FNDC3A: variants seen among roughly 807,000 people sequenced by gnomAD.
FNDC3A encodes fibronectin type-III domain-containing protein 3A.
FNDC3A carries 32 observed loss-of-function variants against 148.9 expected under a neutral mutation model. The observed-to-expected ratio is 0.21, with a 90% CI of 0.16 to 0.29. FNDC3A has a LOEUF of 0.29. Ranked by LOEUF, FNDC3A falls within the 10% of genes least tolerant of loss-of-function variation. The pLI, the probability that FNDC3A is intolerant of heterozygous loss-of-function variation, is 1.00. For missense variants in FNDC3A, 1,191 were observed against 1,452.8 expected (o/e 0.82, Z 2.93); for synonymous variants, 472 against 473.6 (o/e 1.00, Z 0.04).
At chr13:49,060,703 A>G (rs1876616083) in intron 2 of FNDC3A, among the ~76,000 whole-genome samples, 1 of 151,952 alleles carries the variant, frequency 6.6e-6, no homozygotes, top group African/African-American at 2.4e-5. Context: ...ATTAAACCTT[A>G]AAAACACTGT....
intron 1 of FNDC3A, among the ~76,000 whole-genome samples, chr13:49,005,785 T>C (rs750638312): frequency 7.2e-5 from 11 of 152,000 alleles, no homozygotes; most frequent in Non-Finnish European, 1.5e-4. Context: ...CCTCACTCAA[T>C]CACTGTATCT....
intron 8 of FNDC3A, among the ~76,000 whole-genome samples, chr13:49,152,435 T>A (rs945036550): frequency 1.3e-5 from 2 of 152,220 alleles, no homozygotes; most frequent in Admixed American, 1.3e-4. Flanking sequence ...TTTTTTCTTA[T>A]AAATTTGTTT....
At chr13:48,977,239 A>G (rs1951620393) in intron 1 of FNDC3A, among the ~76,000 whole-genome samples, 2 of 152,192 alleles carry the variant, frequency 1.3e-5, no homozygotes, top group Admixed American at 1.3e-4. Context: ...TTAAAACCGA[A>G]CAACGTAATT....
intron 2 of FNDC3A, among the ~76,000 whole-genome samples, chr13:49,032,597 G>A (rs1874199947): frequency 6.6e-6 from 1 of 152,130 alleles, no homozygotes; most frequent in African/African-American, 2.4e-5. Flanking sequence ...TTAGCCGGGT[G>A]TGGTGGAGGG....
At chr13:49,019,110 G>T (rs552287387) in intron 2 of FNDC3A, among the ~76,000 whole-genome samples, 4 of 152,244 alleles carry the variant, frequency 2.6e-5, no homozygotes, top group South Asian at 2.1e-4. Context: ...CAGGCCTCCT[G>T]GAGCTGTGGT....
chr13:48,994,527 C>T (rs1210128278), intron 1 of FNDC3A, among the ~76,000 whole-genome samples: 1 of 152,188 alleles, frequency 6.6e-6, no homozygotes, highest in Admixed American at 6.5e-5. Flanking sequence ...GCCTGTAATG[C>T]CTGCACTTTG....
At chr13:49,002,369 G>A (rs1952142301) in intron 1 of FNDC3A, among the ~76,000 whole-genome samples, 1 of 152,128 alleles carries the variant, frequency 6.6e-6, no homozygotes. Flanking sequence ...TTTTTATTAT[G>A]AAAGGGTGTT....
intron 1 of FNDC3A, among the ~76,000 whole-genome samples, chr13:48,981,538 G>C (rs1399245461): frequency 6.7e-6 from 1 of 150,290 alleles, no homozygotes; most frequent in African/African-American, 2.5e-5. Context: ...TGTAAACATA[G>C]TATGTTTCCA....
chr13:49,164,754 G>T (rs1362503510), intron 8 of FNDC3A, among the ~76,000 whole-genome samples: 2 of 151,950 alleles, frequency 1.3e-5, no homozygotes, highest in East Asian at 3.9e-4. Flanking sequence ...GATTACAGGT[G>T]CCCGCCACCA....
In FNDC3A at chr13:48,994,727, G is replaced by A. The variant is rs180955539; in HGVS notation, c.-39-11425G>A. 2.0e-4 allele frequency among the ~76,000 whole-genome samples: 31 copies of A among 151,812 alleles called. No individual in the cohort carries two copies. In the East Asian group the frequency reaches 5.2e-3, roughly 26 times the overall value. On this transcript the variant is annotated intron_variant, in intron 1 of 25. Coordinates refer to ENST00000492622, the MANE Select transcript of FNDC3A (RefSeq NM_001079673.2). ...TGGGAAGCGGGGGTTGCAGTGAGCC[G>A]AGATGTGCCACTGCTCTCCAGCCTG... is the stretch of plus-strand genomic sequence containing the variant.
intron 2 of FNDC3A, among the ~76,000 whole-genome samples, chr13:49,056,708 T>G (rs140130336): frequency 6.6e-6 from 1 of 152,234 alleles, no homozygotes; most frequent in Non-Finnish European, 1.5e-5. Context: ...TTCATTGTTT[T>G]GTTTCTTTTA....
chr13:49,052,619 T>C (rs1875923324), intron 2 of FNDC3A, among the ~76,000 whole-genome samples: 1 of 152,076 alleles, frequency 6.6e-6, no homozygotes, highest in East Asian at 1.9e-4. Flanking sequence ...TTGGTTGTGT[T>C]TTTGTTTAGT....
intron 4 of FNDC3A, among the ~76,000 whole-genome samples, chr13:49,125,265 G>C (rs557261414): frequency 6.6e-6 from 1 of 152,260 alleles, no homozygotes; most frequent in East Asian, 1.9e-4. Context: ...GGATGGGCAG[G>C]GGAGTGTGAG....
At chr13:48,975,642 G>C (rs1202193479), upstream of FNDC3A, 1 of 152,228 alleles carries the variant, frequency 6.6e-6, no homozygotes, top group Non-Finnish European at 1.5e-5. Context: ...CTTTTCCTGA[G>C]TGTAGCTCCG....
chr13:49,189,419 G>A (rs992500737), intron 17 of FNDC3A, among the ~76,000 whole-genome samples: 2 of 151,926 alleles, frequency 1.3e-5, no homozygotes, highest in Non-Finnish European at 2.9e-5. Context: ...CTGACTTCGT[G>A]ATCCACCGGC....
chr13:49,001,557 T>G (rs1413176172), intron 1 of FNDC3A, among the ~76,000 whole-genome samples: 2 of 152,198 alleles, frequency 1.3e-5, no homozygotes, highest in African/African-American at 4.8e-5. Flanking sequence ...ATCACTGAAT[T>G]CTTTTTCTCA....
chr13:49,004,702 A>G lies in FNDC3A; in HGVS notation c.-39-1450A>G, dbSNP rs562023037. 9.8e-4 allele frequency among the ~76,000 whole-genome samples: 149 copies of G among 152,074 alleles called. 1 individual carries two copies. The highest frequency in any genetic ancestry group is 3.4e-3 in the African/African-American group (140 of 41,568). ...CTGCAGTTTTAGCTAAACCTAGTAC[A>G]TAGAATATTGCAAATAGAATAAAAT... On this transcript the variant is annotated intron_variant, in intron 1 of 25. Transcript: ENST00000492622.
chr13:49,044,840 TG>T, intron 2 of FNDC3A: 1 of 370,892 alleles, frequency 2.7e-6, no homozygotes, highest in Non-Finnish European at 5.4e-6. Flanking sequence ...TAGAAACTAC[TG>T]GGGTTTGTGC....
chr13:49,158,392 G>A (rs1217713689), intron 8 of FNDC3A, among the ~76,000 whole-genome samples: 2 of 152,314 alleles, frequency 1.3e-5, no homozygotes, highest in South Asian at 2.1e-4. Flanking sequence ...CCCACGGTAC[G>A]CGCGCTCACT....
Sources: gnomAD v4.1 joint callset for allele counts (sites outside exome capture counted in the v4.1 genomes callset) on GRCh38, gnomAD v4.1.1 for gene constraint, MANE v1.5 for transcripts, NCBI Gene and HGNC (gene_info 2026-07-23, HGNC 2026-07-21) for gene names.